THOC7: variants seen among roughly 807,000 people sequenced by gnomAD.
THOC7 encodes THO complex subunit 7.
THOC7 carries 22 observed loss-of-function variants against 33.1 expected under a neutral mutation model. That is an observed-to-expected ratio of 0.66 (90% confidence interval 0.47 to 0.95). THOC7 has a LOEUF of 0.95. Among genes scored for constraint, THOC7 ranks in the 40% least tolerant of loss-of-function variants. THOC7 has a pLI of 0.00. For missense variants in THOC7, 184 were observed against 245.3 expected (o/e 0.75, Z 1.67); for synonymous variants, 77 against 76.8 (o/e 1.00, Z -0.01).
At position 63,838,571 on chromosome 3, in the gene THOC7, C is replaced by T. The variant is rs963327863; in HGVS notation, c.138-72G>A. 4.3e-6 allele frequency: 6 copies of T among 1,385,162 alleles called. No homozygotes were observed. The African/African-American group carries it at 6.1e-5, about 14-fold the overall frequency. The allele number at this position is 1,385,162 out of a possible 1,614,324, so 85.8% of individuals were successfully genotyped here. On this transcript the variant is annotated intron_variant, in intron 2 of 7. Coordinates refer to ENST00000295899, the MANE Select transcript of THOC7 (RefSeq NM_025075.4). ...CAAAAGTGAACTGTTATAATGCAGACAAATATTTGCTAATTAAATTATAGC... is the reference window on the plus strand; with the variant it reads ...CAAAAGTGAACTGTTATAATGCAGATAAATATTTGCTAATTAAATTATAGC...
chr3:63,860,042 C>T (rs754640248), intron 1 of THOC7, among the ~76,000 whole-genome samples: 5 of 152,128 alleles, frequency 3.3e-5, no homozygotes, highest in African/African-American at 1.2e-4. Context: ...AATCATGGCT[C>T]GTTGCAACCT....
chr3:63,843,060 T>C (rs1701801710), intron 1 of THOC7, among the ~76,000 whole-genome samples: 1 of 152,078 alleles, frequency 6.6e-6, no homozygotes, highest in South Asian at 2.1e-4. Context: ...GTGCTGGAAT[T>C]ACAGGCATGA....
chr3:63,841,070 G>A (rs1559603982), intron 1 of THOC7, among the ~76,000 whole-genome samples: 1 of 152,124 alleles, frequency 6.6e-6, no homozygotes, highest in Non-Finnish European at 1.5e-5. Flanking sequence ...TTCACATAAT[G>A]TAATAGTATG....
At chr3:63,844,854 G>A (rs1346663864) in intron 1 of THOC7, among the ~76,000 whole-genome samples, 1 of 152,116 alleles carries the variant, frequency 6.6e-6, no homozygotes, top group Non-Finnish European at 1.5e-5. Context: ...CCATTCTCTG[G>A]TATTCTATTA....
Position 63,834,170 on chromosome 3 carries a change from C to G in THOC7, c.577G>C (p.Ala193Pro). Residue 193 changes from alanine (A) to proline (P), a missense_variant, in exon 8 of 8, where the codon GCT (alanine) becomes CCT (proline). Physicochemically the swap from Ala to Pro is conservative, Grantham distance 27. This residue lies in a region of THOC7 where 25 missense variants were observed against 26.5 expected (regional missense o/e 0.94). Transcript: ENST00000295899. ...NDEKLSEVEE[A>P]QEASMETDPK... is the part of the protein sequence containing the mutation. ...TCTGTTTCCATGCTTGCTTCCTGAGCTTCTTCTACCTCTGAGAGTTTTTCA... is the reference window on the plus strand; with the variant it reads ...TCTGTTTCCATGCTTGCTTCCTGAGGTTCTTCTACCTCTGAGAGTTTTTCA... 1 of 1,614,040 alleles carries G rather than the reference C, an allele frequency of 6.2e-7. No individual in the cohort carries two copies. Among genetic ancestry groups the G allele is most frequent in the South Asian group, 1.1e-5 (1 of 91,066 alleles).
chr3:63,839,523 T>G, intron 2 of THOC7, 133 bp downstream of exon 2: 1 of 777,868 alleles, frequency 1.3e-6, no homozygotes, highest in South Asian at 1.5e-5. Flanking sequence ...GAAAATCTAC[T>G]CTTGGTTAAT....
At chr3:63,856,879 AG>A (rs1420276811) in intron 1 of THOC7, among the ~76,000 whole-genome samples, 6 of 151,970 alleles carry the variant, frequency 3.9e-5, no homozygotes, top group Admixed American at 3.3e-4. Flanking sequence ...TACCACGCCC[AG>A]CTAATTCTTT....
At chr3:63,853,157 GAAA>G (rs1195911287) in intron 1 of THOC7, among the ~76,000 whole-genome samples, 2 of 73,494 alleles carry the variant, frequency 2.7e-5, no homozygotes. Context: ...TCTCAAAAAA[GAAA>G]AAAAAAAAAA....
At chr3:63,861,322 T>G (rs1012581084) in intron 1 of THOC7, among the ~76,000 whole-genome samples, 1 of 152,130 alleles carries the variant, frequency 6.6e-6, no homozygotes, top group African/African-American at 2.4e-5. Flanking sequence ...TTTGGACATC[T>G]CAATCTCAAT....
chr3:63,836,207 CAT>C (rs1701630723), intron 5 of THOC7, 92 bp downstream of exon 5: 5 of 1,178,984 alleles, frequency 4.2e-6, no homozygotes, highest in Admixed American at 2.3e-5. Flanking sequence ...CCTTTTGAAA[CAT>C]ATTTATTTCT....
At chr3:63,850,524 T>G (rs1305669669) in intron 1 of THOC7, among the ~76,000 whole-genome samples, 1 of 150,404 alleles carries the variant, frequency 6.6e-6, no homozygotes, top group Non-Finnish European at 1.5e-5. Flanking sequence ...AAGATAGTCA[T>G]GGGATACTAG....
At chr3:63,855,426 C>T (rs879721429) in intron 1 of THOC7, among the ~76,000 whole-genome samples, 3 of 151,992 alleles carry the variant, frequency 2.0e-5, no homozygotes, top group Non-Finnish European at 4.4e-5. Flanking sequence ...CTCAAAAAGT[C>T]CTTAGATCTT....
intron 1 of THOC7, chr3:63,846,293 C>T (rs1701893715): frequency 2.4e-6 from 1 of 411,328 alleles, no homozygotes; most frequent in South Asian, 1.8e-5. Flanking sequence ...AAGCGACTTG[C>T]ACTCCCTGGA....
intron 1 of THOC7, among the ~76,000 whole-genome samples, chr3:63,843,287 T>A (rs1360167610): frequency 6.6e-6 from 1 of 151,862 alleles, no homozygotes; most frequent in African/African-American, 2.4e-5. Context: ...CCCAGCTAAT[T>A]TTGTATTTCC....
chr3:63,864,122 C>T (rs1227613627), upstream of THOC7, among the ~76,000 whole-genome samples: 2 of 148,314 alleles, frequency 1.3e-5, no homozygotes, highest in Non-Finnish European at 3.0e-5. Context: ...CCGGCCCACG[C>T]CCAGAGGCCG....
upstream of THOC7, among the ~76,000 whole-genome samples, chr3:63,864,159 G>C (rs1702329230): frequency 6.7e-6 from 1 of 150,162 alleles, no homozygotes; most frequent in African/African-American, 2.4e-5. Flanking sequence ...CAGCCGCCAG[G>C]TGAGCTCGCC....
intron 1 of THOC7, 62 bp from the exon 2 acceptor site, chr3:63,839,835 A>G (rs1701722138): frequency 1.4e-5 from 19 of 1,317,364 alleles, no homozygotes; most frequent in South Asian, 9.5e-5. Flanking sequence ...ACAAATAACC[A>G]GTATCACTGT....
At chr3:63,856,503 G>A (rs557705456) in intron 1 of THOC7, among the ~76,000 whole-genome samples, 2 of 152,018 alleles carry the variant, frequency 1.3e-5, no homozygotes, top group Non-Finnish European at 2.9e-5. Context: ...AATATCTCAT[G>A]TACCCCATAA....
At chr3:63,844,154 C>A (rs531438726) in intron 1 of THOC7, among the ~76,000 whole-genome samples, 5 of 152,170 alleles carry the variant, frequency 3.3e-5, no homozygotes, top group African/African-American at 1.2e-4. Flanking sequence ...AAAAGGTGGT[C>A]TCACAGAAAT....
Sources: gnomAD v4.1 joint callset for allele counts (sites outside exome capture counted in the v4.1 genomes callset) on GRCh38, gnomAD v4.1.1 for gene constraint, gnomAD v4.1.1 regional missense constraint, MANE v1.5 for transcripts, NCBI Gene and HGNC (gene_info 2026-07-23, HGNC 2026-07-21) for gene names.